The following CR1 variants were observed in gnomAD, a reference collection of about 807,000 sequenced individuals.
The protein encoded by CR1 is complement C3b/C4b receptor 1 (Knops blood group), also known as complement receptor type 1.
In CR1, 116 loss-of-function variants were observed where a neutral mutation model predicts 187.3. The observed-to-expected ratio is 0.62, with a 90% CI of 0.53 to 0.72. The LOEUF (loss-of-function observed/expected upper bound fraction) is 0.72. CR1 is among the 30% of genes least tolerant of loss of function. CR1 has a pLI of 0.00. For synonymous variants in CR1, 576 were observed against 747.1 expected (o/e 0.77, Z 3.73); for missense variants, 1,731 against 2,110.7 (o/e 0.82, Z 3.52).
intron 37 of CR1, 54 bp from the exon 38 acceptor site, chr1:207,611,623 A>G (rs3818361): frequency 0.8 from 1,285,062 of 1,600,796 alleles, 519,288 homozygotes; most frequent in South Asian, 0.89. Context: ...ATAAGATATA[A>G]CAAAGGAAAT....
rs186915069 is a variant in CR1 at position 207,641,540 on chromosome 1, T to C, written c.*2131T>C. On this transcript the variant is annotated 3_prime_UTR_variant, in exon 47 of 47. Transcript: ENST00000367049. ...GTAAAATACTATATTGCCTAACTTG[T>C]ATTATTAAGCAATTCTGCTAACCTG... is the stretch of plus-strand genomic sequence containing the variant. The C allele has an allele frequency of 1.3e-5, 2 of 152,364 alleles. No individual in the cohort carries two copies. The highest frequency in any genetic ancestry group is 4.8e-5 in the African/African-American group (2 of 41,592). 9.4% of individuals were successfully genotyped at this position (152,364 alleles called of 1,614,324 possible). A position where few individuals can be genotyped will look rare whatever the true frequency, so the allele number is the denominator to read the frequency against.
chr1:207,578,267 T>G, intron 29 of CR1, 64 bp downstream of exon 29: 1 of 1,611,200 alleles, frequency 6.2e-7, no homozygotes. Context: ...GATCAGGAGA[T>G]GAGTATTTGT....
rs1245577507 is a variant in CR1, at chr1:207,565,591, G to A, written c.3867-247G>A. Among the ~76,000 whole-genome samples, 5 of 150,266 alleles carry A rather than the reference G, an allele frequency of 3.3e-5. 1 individual carries two copies. Among genetic ancestry groups the A allele is most frequent in the African/African-American group, 1.3e-4 (5 of 39,728 alleles). On this transcript the variant is annotated intron_variant, in intron 23 of 46. Transcript: ENST00000367049. ...CTGGGTCCTGGGTCAAGGGGATGGCGCCTATGTCATGACCACCTTTTTCAA... is the reference window on the plus strand; with the variant it reads ...CTGGGTCCTGGGTCAAGGGGATGGCACCTATGTCATGACCACCTTTTTCAA...
chr1:207,506,111 C>G (rs1558213762), intron 2 of CR1, 28 bp downstream of exon 2: 6 of 1,515,064 alleles, frequency 4.0e-6, no homozygotes, highest in South Asian at 3.4e-5. Context: ...GGGAACCCCC[C>G]TGTTAGTCAA....
In CR1 at chr1:207,623,079, C is replaced by G. The variant is rs1268484462; in HGVS notation, c.7352+11C>G. ...AAAGCACAGAAAAGGGTAAGTATAG[C>G]CATATTATCCCAAGAAATGTAAACT... On this transcript the variant is annotated intron_variant, in intron 45 of 46. Coordinates refer to ENST00000367049, the MANE Select transcript of CR1 (RefSeq NM_000651.6). 1 of 1,535,820 alleles carries G rather than the reference C, an allele frequency of 6.5e-7. No individual in the cohort carries two copies. Among genetic ancestry groups the G allele is most frequent in the South Asian group, 1.2e-5 (1 of 84,292 alleles).
At position 207,575,686 on chromosome 1, in the gene CR1, T is replaced by C; in HGVS notation, c.4537+6T>C. On this transcript the variant is annotated splice_donor_region_variant and intron_variant, in intron 28 of 46. Coordinates refer to ENST00000367049, the MANE Select transcript of CR1 (RefSeq NM_000651.6). ...GAAGCCGCCAATTTGTCAACGTGAG[T>C]TGAAATCTCTTTCCCCATTCACCCC... 6.2e-7 allele frequency: 1 copy of C among 1,611,802 alleles called. No individual in the cohort carries two copies. The highest frequency in any genetic ancestry group is 8.5e-7 in the Non-Finnish European group (1 of 1,179,694).
At chr1:207,567,345 T>C (rs1660532998) in intron 24 of CR1, among the ~76,000 whole-genome samples, 1 of 149,452 alleles carries the variant, frequency 6.7e-6, no homozygotes, top group Non-Finnish European at 1.5e-5. Flanking sequence ...AGATTGATGA[T>C]CAATATCAAT....
chr1:207,525,276 A>G (rs1258918634), intron 5 of CR1, among the ~76,000 whole-genome samples: 1 of 151,570 alleles, frequency 6.6e-6, no homozygotes, highest in African/African-American at 2.4e-5. Flanking sequence ...ATCGCAGCTA[A>G]TAGGTCACAA....
At position 207,505,887 on chromosome 1, in the gene CR1, A is replaced by G. The variant is rs759102587; in HGVS notation, c.122-17A>G. On this transcript the variant is annotated splice_polypyrimidine_tract_variant and intron_variant, in intron 1 of 46. Transcript: ENST00000367049. The stretch of plus-strand genomic sequence containing the variant: ...TTTCTCCATTAACTTTGATGCTTCT[A>G]TGGTCTTGATCTCCAGGTCAATGCA... 6 of 1,601,204 alleles carry G rather than the reference A, an allele frequency of 3.7e-6. No homozygotes were observed. The highest frequency in any genetic ancestry group is 5.1e-6 in the Non-Finnish European group (6 of 1,175,270).
At chr1:207,632,797 CAAAAAAAAAAAAAAA>C (rs55649027) in intron 46 of CR1, among the ~76,000 whole-genome samples, 8 of 107,644 alleles carry the variant, frequency 7.4e-5, no homozygotes, top group Admixed American at 3.8e-4. Context: ...GACTCCGTCT[CAAAAAAAAAAAAAAA>C]AAAAAAAAAA....
chr1:207,630,788 C>A (rs1192101331), intron 46 of CR1, among the ~76,000 whole-genome samples, 167 bp downstream of exon 46: 1 of 152,000 alleles, frequency 6.6e-6, no homozygotes, highest in East Asian at 1.9e-4. Flanking sequence ...TTATTATTGT[C>A]ATTTCCAATG....
At chr1:207,583,202 G>A (rs1018327697) in intron 32 of CR1, among the ~76,000 whole-genome samples, 3 of 152,166 alleles carry the variant, frequency 2.0e-5, no homozygotes, top group Non-Finnish European at 4.4e-5. Context: ...GAGGTGCCCT[G>A]GAAGCCAAGT....
Position 207,609,491 on chromosome 1 carries a change from C to A in CR1, c.6098C>A (p.Pro2033His), listed in dbSNP as rs544740223. 2.5e-6 allele frequency: 4 copies of A among 1,613,998 alleles called. No homozygotes were observed. Among genetic ancestry groups the A allele is most frequent in the Non-Finnish European group, 1.7e-6 (2 of 1,179,880 alleles). The change falls in exon 37 of 47, where the codon CCT becomes CAT. Residue 2033 changes from proline to histidine, a missense_variant. This residue lies in a region of CR1 where 1,312 missense variants were observed against 1,379.6 expected (regional missense o/e 0.95). Coordinates refer to ENST00000367049, the MANE Select transcript of CR1 (RefSeq NM_000651.6). ...DQVGVWSSPPPRCISTNKCTA... is the reference protein window; with the variant it reads ...DQVGVWSSPPHRCISTNKCTA... ...GTTGGTGTTTGGAGCAGCCCTCCCCCTCGGTGTATTTCTACTAATAAATGC... is the reference window on the plus strand; with the variant it reads ...GTTGGTGTTTGGAGCAGCCCTCCCCATCGGTGTATTTCTACTAATAAATGC...
chr1:207,502,965 G>T (rs920877281), intron 1 of CR1, among the ~76,000 whole-genome samples: 1 of 152,170 alleles, frequency 6.6e-6, no homozygotes, highest in African/African-American at 2.4e-5. Flanking sequence ...GTGCATTCCC[G>T]ACAGCATAGG....
chr1:207,581,447 A>G lies in CR1; in HGVS notation c.5217-471A>G, dbSNP rs80261357. Reference sequence around the variant, plus strand: ...TATGTATATATACATATGTATATACATATATACATGGAACATTAGATGTAT... The same window carrying G: ...TATGTATATATACATATGTATATACGTATATACATGGAACATTAGATGTAT... On this transcript the variant is annotated intron_variant, in intron 31 of 46. Coordinates refer to ENST00000367049, the MANE Select transcript of CR1 (RefSeq NM_000651.6). 5.1e-3 allele frequency among the ~76,000 whole-genome samples: 763 copies of G among 151,054 alleles called. 6 individuals are homozygous for G. Among genetic ancestry groups the G allele is most frequent in the African/African-American group, 0.017 (692 of 41,262 alleles).
intron 35 of CR1, among the ~76,000 whole-genome samples, chr1:207,604,464 T>C (rs1191125701): frequency 1.3e-5 from 2 of 152,214 alleles, no homozygotes; most frequent in Non-Finnish European, 2.9e-5. Flanking sequence ...TTTTGACATT[T>C]AATCTTTGAT....
At chr1:207,607,386 G>A (rs1389918307) in intron 36 of CR1, 50 bp downstream of exon 36, 1 of 1,359,320 alleles carries the variant, frequency 7.4e-7, no homozygotes, top group South Asian at 1.2e-5. Flanking sequence ...ATCCTGACTT[G>A]CCCCTGGAGT....
chr1:207,515,000 C>T lies in CR1; in HGVS notation c.487+3346C>T, dbSNP rs1265843199. Among the ~76,000 whole-genome samples the T allele has an allele frequency of 1.5e-4, 21 of 143,768 alleles. No homozygotes were observed. The South Asian group carries it at 2.8e-3, about 19-fold the overall frequency. The allele number at this position is 143,768 out of a possible 152,430, so 94.3% of individuals were successfully genotyped here. A position where few individuals can be genotyped will look rare whatever the true frequency, so the allele number is the denominator to read the frequency against. On this transcript the variant is annotated intron_variant, in intron 4 of 46. Coordinates refer to ENST00000367049, the MANE Select transcript of CR1 (RefSeq NM_000651.6). ...TATAACATATATATATATATACACA[C>T]ACACACACACACACACACACACACA...
intron 28 of CR1, among the ~76,000 whole-genome samples, chr1:207,577,584 A>G (rs969778257): frequency 3.3e-5 from 5 of 152,160 alleles, no homozygotes; most frequent in Non-Finnish European, 5.9e-5. Context: ...AGCCTGCCCA[A>G]CATGGCCAAA....
Sources: gnomAD v4.1 joint callset for allele counts (sites outside exome capture counted in the v4.1 genomes callset) on GRCh38, gnomAD v4.1.1 for gene constraint, gnomAD v4.1.1 regional missense constraint, MANE v1.5 for transcripts, NCBI Gene and HGNC (gene_info 2026-07-23, HGNC 2026-07-21) for gene names.